The following RPH3A variants were observed in gnomAD, a reference collection of about 807,000 sequenced individuals.
RPH3A encodes the protein rabphilin-3A.
Under a neutral mutation model 102.2 loss-of-function variants are expected in RPH3A, and 48 were observed. The observed-to-expected ratio is 0.47, with a 90% CI of 0.37 to 0.60. The LOEUF is 0.60. RPH3A is among the 20% of genes least tolerant of loss of function. The probability of loss-of-function intolerance (pLI) is 0.00; values close to 1 mark genes in which losing one functional copy is unlikely to be tolerated. For missense variants in RPH3A, 781 were observed against 910.1 expected (o/e 0.86, Z 1.83); for synonymous variants, 310 against 324.3 (o/e 0.96, Z 0.47).
At chr12:112,873,801 A>G (rs1475219747) in intron 10 of RPH3A, 2 of 152,260 alleles carry the variant, frequency 1.3e-5, no homozygotes, top group African/African-American at 2.4e-5. Context: ...GAAGAACTCA[A>G]TGACTGTTGG....
At chr12:112,579,580 T>C (rs2039382620) in intron 1 of RPH3A, among the ~76,000 whole-genome samples, 1 of 152,214 alleles carries the variant, frequency 6.6e-6, no homozygotes, top group Non-Finnish European at 1.5e-5. Flanking sequence ...GTTTAAAAGA[T>C]TAGCTGTATT....
At chr12:112,691,995 A>G (rs763723717) in intron 1 of RPH3A, among the ~76,000 whole-genome samples, 5 of 152,230 alleles carry the variant, frequency 3.3e-5, no homozygotes, top group Non-Finnish European at 5.9e-5. Context: ...ACTCAGCCAT[A>G]AAAAGGAATG....
At chr12:112,822,157 G>A (rs2041792723) in intron 2 of RPH3A, among the ~76,000 whole-genome samples, 1 of 152,212 alleles carries the variant, frequency 6.6e-6, no homozygotes, top group South Asian at 2.1e-4. Flanking sequence ...CTCAGGGGAA[G>A]AGACAAGGGG....
intron 1 of RPH3A, among the ~76,000 whole-genome samples, chr12:112,698,368 A>G (rs920365233): frequency 1.3e-5 from 2 of 152,256 alleles, no homozygotes; most frequent in African/African-American, 4.8e-5. Context: ...AGCTAAGACA[A>G]AAAAGCATAA....
chr12:112,805,032 AAAAC>A (rs1268244527), intron 2 of RPH3A, among the ~76,000 whole-genome samples: 6 of 152,132 alleles, frequency 3.9e-5, no homozygotes, highest in South Asian at 2.1e-4. Context: ...TTTCCTAGAA[AAAAC>A]AAACAAACAA....
intron 1 of RPH3A, among the ~76,000 whole-genome samples, chr12:112,645,311 A>T (rs555982291): frequency 6.1e-4 from 93 of 152,260 alleles, no homozygotes; most frequent in African/African-American, 2.0e-3. Context: ...AAGTTAGTAC[A>T]CTTGGTCTCG....
intron 2 of RPH3A, among the ~76,000 whole-genome samples, chr12:112,798,748 T>C (rs2041283365): frequency 1.3e-5 from 2 of 152,068 alleles, no homozygotes; most frequent in South Asian, 2.1e-4. Context: ...CCCCTCTCTC[T>C]CCTTTTTCCC....
intron 1 of RPH3A, among the ~76,000 whole-genome samples, chr12:112,615,516 C>T (rs951240844): frequency 1.3e-5 from 2 of 152,198 alleles, no homozygotes; most frequent in African/African-American, 4.8e-5. Context: ...AGCCAGCCAG[C>T]CCTTGTTAGG....
At chr12:112,611,365 C>G (rs576794665) in intron 1 of RPH3A, among the ~76,000 whole-genome samples, 1 of 152,314 alleles carries the variant, frequency 6.6e-6, no homozygotes, top group South Asian at 2.1e-4. Flanking sequence ...TTTTACTTCC[C>G]TAGGAAAGGT....
chr12:112,710,260 G>C (rs1458565878), intron 1 of RPH3A, among the ~76,000 whole-genome samples: 2 of 152,196 alleles, frequency 1.3e-5, no homozygotes, highest in African/African-American at 2.4e-5. Context: ...ACAGGCTTGA[G>C]CCACCGCGCC....
chr12:112,787,896 G>T (rs1461841464), upstream of RPH3A, among the ~76,000 whole-genome samples: 2 of 152,192 alleles, frequency 1.3e-5, no homozygotes, highest in Admixed American at 1.3e-4. Context: ...GGCTGCCTCT[G>T]CTCCATAAAA....
chr12:112,886,877 G>T (rs2043009786), intron 16 of RPH3A, among the ~76,000 whole-genome samples: 1 of 152,218 alleles, frequency 6.6e-6, no homozygotes, highest in Admixed American at 6.5e-5. Context: ...TTGCAAAAGA[G>T]GATGCTCAAA....
intron 1 of RPH3A, among the ~76,000 whole-genome samples, chr12:112,690,094 C>T (rs1311445991): frequency 3.3e-5 from 5 of 152,156 alleles, no homozygotes; most frequent in East Asian, 1.9e-4. Flanking sequence ...ATGTTATAAA[C>T]GATCATCCTT....
At chr12:112,864,391 C>T (rs890721737) in intron 5 of RPH3A, among the ~76,000 whole-genome samples, 3 of 144,998 alleles carry the variant, frequency 2.1e-5, no homozygotes, top group Non-Finnish European at 4.5e-5. Flanking sequence ...GCAGAGGTTG[C>T]AGTGAGCCCA....
chr12:112,897,271 C>G lies in RPH3A; in HGVS notation c.*491C>G. On this transcript the variant is annotated 3_prime_UTR_variant, in exon 22 of 22. Transcript: ENST00000389385. ...AGCATTGGGGCACAAATAGAGCCTC[C>G]GGGCTCCCACTGCCCCCTGAGATGT... is the stretch of plus-strand genomic sequence containing the variant. The G allele has an allele frequency of 6.3e-6, 1 of 158,440 alleles. No homozygotes were observed. The highest frequency in any genetic ancestry group is 1.4e-5 in the Non-Finnish European group (1 of 71,438). The allele number at this position is 158,440 out of a possible 1,614,324, so 9.8% of individuals were successfully genotyped here.
At chr12:112,603,159 G>C (rs2135969819) in intron 1 of RPH3A, among the ~76,000 whole-genome samples, 2 of 152,256 alleles carry the variant, frequency 1.3e-5, no homozygotes, top group Admixed American at 1.3e-4. Context: ...GGTGTAGGGA[G>C]AGCATCTGTT....
chr12:112,806,858 G>C (rs1565891998), intron 2 of RPH3A, among the ~76,000 whole-genome samples: 4 of 152,218 alleles, frequency 2.6e-5, no homozygotes, highest in Middle Eastern at 3.4e-3. Context: ...ATTCTAAAGA[G>C]AGGGGCACAA....
intron 1 of RPH3A, among the ~76,000 whole-genome samples, chr12:112,705,240 T>G (rs2040420444): frequency 2.0e-5 from 3 of 152,240 alleles, no homozygotes; most frequent in Admixed American, 2.0e-4. Flanking sequence ...GCTAGCATCC[T>G]GTTGACTGGA....
At chr12:112,638,672 G>A (rs549059323) in intron 1 of RPH3A, among the ~76,000 whole-genome samples, 2 of 152,264 alleles carry the variant, frequency 1.3e-5, no homozygotes, top group South Asian at 2.1e-4. Context: ...GTTAACAAAT[G>A]CAGAATTGCC....
Sources: allele counts gnomAD v4.1 joint callset (sites outside exome capture counted in the v4.1 genomes callset), GRCh38; gene constraint gnomAD v4.1.1; transcripts MANE v1.5; gene names NCBI Gene and HGNC (gene_info 2026-07-23, HGNC 2026-07-21).